The following NLGN1 variants were observed in gnomAD, a reference collection of about 807,000 sequenced individuals.
NLGN1 encodes neuroligin 1.
In NLGN1, 12 loss-of-function variants were observed where a neutral mutation model predicts 65.5. That is an observed-to-expected ratio of 0.18 (90% CI 0.12 to 0.30). The LOEUF (loss-of-function observed/expected upper bound fraction) is 0.30, where lower values mean the gene tolerates loss of function less well. Ranked by LOEUF, NLGN1 falls within the 10% of genes least tolerant of loss-of-function variation. The pLI, the probability that NLGN1 is intolerant of heterozygous loss-of-function variation, is 1.00. For synonymous variants in NLGN1, 350 were observed against 359.5 expected (o/e 0.97, Z 0.30); for missense variants, 750 against 1,007.1 (o/e 0.74, Z 3.46).
rs184645662 is a variant in NLGN1 at position 174,097,925 on chromosome 3, A to G, written c.647-177390A>G. On this transcript the variant is annotated intron_variant, in intron 4 of 6. Coordinates refer to ENST00000457714, the Ensembl canonical transcript of NLGN1. Reference sequence around the variant, plus strand: ...ATAGTTAGCAGAATAACTGCCCGCCATTTAACTAACTCGTGTAGCTCTAAG... The same window carrying G: ...ATAGTTAGCAGAATAACTGCCCGCCGTTTAACTAACTCGTGTAGCTCTAAG... 5.1e-4 allele frequency among the ~76,000 whole-genome samples: 77 copies of G among 152,304 alleles called. 1 individual carries two copies. Among genetic ancestry groups the G allele is most frequent in the African/African-American group, 1.7e-3 (71 of 41,588 alleles).
At chr3:173,834,105 G>A (rs979464627) in intron 4 of NLGN1, among the ~76,000 whole-genome samples, 3 of 152,056 alleles carry the variant, frequency 2.0e-5, no homozygotes, top group African/African-American at 4.8e-5. Context: ...TTAATTGGTA[G>A]GCCCAATGTC....
At chr3:173,880,087 TTTTC>T (rs1354183074) in intron 4 of NLGN1, among the ~76,000 whole-genome samples, 7 of 152,280 alleles carry the variant, frequency 4.6e-5, no homozygotes, top group Admixed American at 3.9e-4. Context: ...TCCAAAAAGA[TTTTC>T]TTCTTTGCAA....
At chr3:174,228,030 G>C (rs757306005) in intron 4 of NLGN1, among the ~76,000 whole-genome samples, 1 of 151,858 alleles carries the variant, frequency 6.6e-6, no homozygotes, top group Admixed American at 6.6e-5. Context: ...TTCATACTGA[G>C]ACATATTGTT....
At chr3:173,786,300 A>G (rs1781945976) in intron 3 of NLGN1, among the ~76,000 whole-genome samples, 1 of 152,090 alleles carries the variant, frequency 6.6e-6, no homozygotes, top group Admixed American at 6.5e-5. Context: ...GAATATCCCT[A>G]TGTGTTCAGT....
intron 2 of NLGN1, among the ~76,000 whole-genome samples, chr3:173,588,387 G>A (rs1370972756): frequency 3.3e-5 from 5 of 151,984 alleles, no homozygotes; most frequent in Admixed American, 3.3e-4. Flanking sequence ...TTACTATGTT[G>A]GTATAAAATG....
At chr3:174,206,883 A>G (rs1205410450) in intron 4 of NLGN1, among the ~76,000 whole-genome samples, 1 of 152,162 alleles carries the variant, frequency 6.6e-6, no homozygotes, top group African/African-American at 2.4e-5. Flanking sequence ...CAGACTCTCA[A>G]TTGGAGTGAG....
chr3:173,616,431 TC>T (rs1054589263), intron 3 of NLGN1, among the ~76,000 whole-genome samples: 1 of 152,154 alleles, frequency 6.6e-6, no homozygotes, highest in African/African-American at 2.4e-5. Context: ...ATGAGAGTTT[TC>T]ACCATCTGTA....
In NLGN1 at chr3:173,446,389, A is replaced by G. The variant is rs529247189; in HGVS notation, c.-321+11311A>G. On this transcript the variant is annotated intron_variant, in intron 2 of 6. Coordinates refer to ENST00000457714, the Ensembl canonical transcript of NLGN1. ...CTTCATCCATGTCCCTACAAAGGAC[A>G]TGAACTCATCATTTTTTATGGCTGC... Among the ~76,000 whole-genome samples the G allele has an allele frequency of 2.6e-5, 4 of 152,330 alleles. No individual in the cohort carries two copies. In the East Asian group the frequency reaches 7.7e-4, roughly 29 times the overall value.
chr3:173,452,683 A>G (rs1721820324), intron 2 of NLGN1, among the ~76,000 whole-genome samples: 1 of 152,220 alleles, frequency 6.6e-6, no homozygotes, highest in African/African-American at 2.4e-5. Flanking sequence ...GCATTAGTCA[A>G]GGTTATCTAG....
chr3:173,758,627 T>A (rs1019044891), intron 3 of NLGN1, among the ~76,000 whole-genome samples: 1 of 151,978 alleles, frequency 6.6e-6, no homozygotes, highest in Admixed American at 6.6e-5. Context: ...CATGTCTTGC[T>A]CTGACTTTTG....
chr3:173,816,920 G>T (rs1297861232), intron 4 of NLGN1, among the ~76,000 whole-genome samples: 1 of 152,142 alleles, frequency 6.6e-6, no homozygotes, highest in Non-Finnish European at 1.5e-5. Context: ...TTTTAAAATT[G>T]TCTGCATTAC....
chr3:173,704,289 T>C lies in NLGN1; in HGVS notation c.493+99198T>C, dbSNP rs145936379. ...TAGAACAAGTCTGTAACGATTCTCT[T>C]AAGTGACATGGTAGTTTCGTTGTTT... On this transcript the variant is annotated intron_variant, in intron 3 of 6. Transcript: ENST00000457714. Among the ~76,000 whole-genome samples, 519 of 152,314 alleles carry C rather than the reference T, an allele frequency of 3.4e-3. 6 individuals are homozygous for C. The highest frequency in any genetic ancestry group is 0.012 in the African/African-American group (487 of 41,582).
intron 1 of NLGN1, among the ~76,000 whole-genome samples, chr3:173,401,978 A>G (rs686998): frequency 0.6 from 91,295 of 151,992 alleles, 27,889 homozygotes; most frequent in African/African-American, 0.71. Context: ...TCTGCAGACG[A>G]CATCCCTTCT....
chr3:173,894,356 C>T (rs1274561583), intron 4 of NLGN1, among the ~76,000 whole-genome samples: 1 of 152,116 alleles, frequency 6.6e-6, no homozygotes, highest in Non-Finnish European at 1.5e-5. Flanking sequence ...TAACTCATCT[C>T]CAGAGACTCA....
chr3:173,805,830 G>A (rs1318323703), intron 3 of NLGN1, among the ~76,000 whole-genome samples: 1 of 152,166 alleles, frequency 6.6e-6, no homozygotes, highest in Non-Finnish European at 1.5e-5. Context: ...ACTGTATGTA[G>A]CAAACAGGCA....
intron 4 of NLGN1, among the ~76,000 whole-genome samples, chr3:174,025,782 G>A (rs1236922853): frequency 5.9e-5 from 9 of 152,228 alleles, no homozygotes; most frequent in Non-Finnish European, 8.8e-5. Flanking sequence ...TAGCTATTCC[G>A]GAAATGATTG....
chr3:173,981,090 G>A (rs1433192876), intron 4 of NLGN1, among the ~76,000 whole-genome samples: 1 of 152,082 alleles, frequency 6.6e-6, no homozygotes, highest in African/African-American at 2.4e-5. Flanking sequence ...GGAGTCACAA[G>A]AAACTTGATT....
At chr3:174,181,333 G>A (rs1730374077) in intron 4 of NLGN1, among the ~76,000 whole-genome samples, 1 of 152,010 alleles carries the variant, frequency 6.6e-6, no homozygotes, top group African/African-American at 2.4e-5. Context: ...TATTTATTAG[G>A]CTTTAATGAC....
chr3:174,270,102 C>T (rs1343047138), intron 4 of NLGN1, among the ~76,000 whole-genome samples: 6 of 138,492 alleles, frequency 4.3e-5, no homozygotes, highest in African/African-American at 1.6e-4. Flanking sequence ...CAATTGTTTT[C>T]TCCCATTCTG....
Sources: allele counts gnomAD v4.1 joint callset (sites outside exome capture counted in the v4.1 genomes callset), GRCh38; gene constraint gnomAD v4.1.1; transcripts MANE v1.5; gene names NCBI Gene and HGNC (gene_info 2026-07-23, HGNC 2026-07-21).